Variants in C10orf105 observed in about 807,000 individuals in gnomAD.
C10orf105 encodes uncharacterized protein C10orf105.
In C10orf105, 2 loss-of-function variants were observed where a neutral mutation model predicts 0.6. The observed-to-expected ratio is 3.18, with a 90% CI of 1.30 to 10.01. C10orf105 has a LOEUF of 10.01. Among genes scored for constraint, C10orf105 ranks in the 30% most tolerant of loss-of-function variants. C10orf105 has a pLI of 0.04. For missense variants in C10orf105, 209 were observed against 191.4 expected (o/e 1.09, Z -0.54); for synonymous variants, 95 against 82.4 (o/e 1.15, Z -0.83).
chr10:71,712,818 G>A lies in C10orf105; in HGVS notation c.*3118C>T. 6.2e-7 allele frequency: 1 copy of A among 1,609,578 alleles called. No individual in the cohort carries two copies. On this transcript the variant is annotated 3_prime_UTR_variant, in exon 2 of 2. Coordinates refer to ENST00000441508, the MANE Select transcript of C10orf105 (RefSeq NM_001164375.3). Reference sequence around the variant, plus strand: ...GAAGGCCACAGCATCTTGCAGGCAGGTGGCCCGTGGCCTCTGGGGCAGGTG... The same window carrying A: ...GAAGGCCACAGCATCTTGCAGGCAGATGGCCCGTGGCCTCTGGGGCAGGTG...
chr10:71,731,852 G>A, intron 1 of C10orf105: 1 of 836,448 alleles, frequency 1.2e-6, no homozygotes, highest in Non-Finnish European at 1.9e-6. Context: ...CTCTGAGGAT[G>A]ATCCTGCCGG....
upstream of C10orf105, among the ~76,000 whole-genome samples, chr10:71,721,668 A>G (rs1017599861): frequency 6.6e-6 from 1 of 152,106 alleles, no homozygotes; most frequent in Non-Finnish European, 1.5e-5. Flanking sequence ...CCTTAGACAC[A>G]CTTACCGCAG....
rs1474418748 is a variant in C10orf105, at chr10:71,725,401, G to A, written c.-5-9059C>T. On this transcript the variant is annotated intron_variant, in intron 1 of 1. Coordinates refer to the C10orf105 transcript ENST00000398786. ...CCATGGCAACAACTTCCGGATCCATGTCAGCAATGGGCTCCTGATGCGAGG... is the reference window on the plus strand; with the variant it reads ...CCATGGCAACAACTTCCGGATCCATATCAGCAATGGGCTCCTGATGCGAGG... 1 of 1,614,056 alleles carries A rather than the reference G, an allele frequency of 6.2e-7. No individual in the cohort carries two copies.
At chr10:71,734,700 G>A (rs1201323228) in intron 1 of C10orf105, 1 of 1,315,482 alleles carries the variant, frequency 7.6e-7, no homozygotes, top group Non-Finnish European at 1.0e-6. Flanking sequence ...GCTGTTGGCT[G>A]TGGCCAGTGC....
At chr10:71,733,492 G>A (rs918337578) in intron 1 of C10orf105, among the ~76,000 whole-genome samples, 4 of 152,114 alleles carry the variant, frequency 2.6e-5, no homozygotes, top group African/African-American at 4.8e-5. Flanking sequence ...AGCCCCAACC[G>A]AGGACCCCAC....
intron 1 of C10orf105, chr10:71,732,414 C>A (rs2132826548): frequency 2.6e-6 from 4 of 1,551,268 alleles, no homozygotes; most frequent in Non-Finnish European, 2.6e-6. Flanking sequence ...TTCTTCCAAT[C>A]TAACCAACAT....
chr10:71,723,062 G>A (rs1866629497), upstream of C10orf105, among the ~76,000 whole-genome samples: 1 of 152,198 alleles, frequency 6.6e-6, no homozygotes. Flanking sequence ...GCAGGGTCAG[G>A]AAGAAAATGG....
chr10:71,732,458 C>T (rs1428042577), intron 1 of C10orf105: 4 of 1,523,556 alleles, frequency 2.6e-6, no homozygotes, highest in Non-Finnish European at 2.7e-6. Context: ...CAGCACTCTC[C>T]TCTTTGTCAT....
In C10orf105 at chr10:71,712,836, G is replaced by A. The variant is rs774329375; in HGVS notation, c.*3100C>T. The A allele has an allele frequency of 6.2e-7, 1 of 1,605,792 alleles. No individual in the cohort carries two copies. Among genetic ancestry groups the A allele is most frequent in the South Asian group, 1.1e-5 (1 of 89,674 alleles). On this transcript the variant is annotated 3_prime_UTR_variant, in exon 2 of 2. Transcript: ENST00000441508. ...CAGGCAGGTGGCCCGTGGCCTCTGG[G>A]GCAGGTGGTGGGCTGGGGGAGGCGG...
chr10:71,715,729 G>A lies in C10orf105; in HGVS notation c.*207C>T. The A allele has an allele frequency of 4.5e-6, 2 of 440,952 alleles. No homozygotes were observed. Among genetic ancestry groups the A allele is most frequent in the Non-Finnish European group, 8.0e-6 (2 of 250,634 alleles). 27.3% of individuals were successfully genotyped at this position (440,952 alleles called of 1,614,324 possible). The stretch of plus-strand genomic sequence containing the variant: ...GAAGTCTTTCATCAAGCAGCAGCGA[G>A]GGGGTCTGCAGAGAGGAAGGTGCTC... On this transcript the variant is annotated 3_prime_UTR_variant, in exon 2 of 2. Coordinates refer to ENST00000441508, the MANE Select transcript of C10orf105 (RefSeq NM_001164375.3).
At position 71,715,249 on chromosome 10, in the gene C10orf105, C is replaced by G. The variant is rs568212787; in HGVS notation, c.*687G>C. On this transcript the variant is annotated 3_prime_UTR_variant, in exon 2 of 2. Coordinates refer to ENST00000441508, the MANE Select transcript of C10orf105 (RefSeq NM_001164375.3). ...GAGCCTCCTCGATCATCTTCAATCC[C>G]TTCCTGATTGATCCCAACGTGGGTG... The G allele has an allele frequency of 2.0e-5, 3 of 152,300 alleles. No individual in the cohort carries two copies. Among genetic ancestry groups the G allele is most frequent in the Non-Finnish European group, 4.4e-5 (3 of 68,082 alleles). The allele number at this position is 152,300 out of a possible 1,614,324, so 9.4% of individuals were successfully genotyped here.
intron 1 of C10orf105, among the ~76,000 whole-genome samples, chr10:71,735,807 G>A (rs1465563785): frequency 6.6e-6 from 1 of 152,240 alleles, no homozygotes; most frequent in Non-Finnish European, 1.5e-5. Context: ...GCCTGGGGGT[G>A]AGTGAGGCTG....
intron 1 of C10orf105, among the ~76,000 whole-genome samples, chr10:71,726,706 A>G (rs1206376604): frequency 3.9e-5 from 6 of 152,220 alleles, no homozygotes; most frequent in African/African-American, 1.4e-4. Flanking sequence ...GTACGCCCTC[A>G]TCAGAGCCTG....
chr10:71,733,813 T>C lies in C10orf105; in HGVS notation c.-6+3915A>G, dbSNP rs12360477. Among the ~76,000 whole-genome samples the C allele has an allele frequency of 4.7e-3, 723 of 152,338 alleles. 3 individuals are homozygous for C. Among genetic ancestry groups the C allele is most frequent in the Admixed American group, 7.8e-3 (120 of 15,306 alleles). ...TTTATCAGAATTCCTTCTTTGAAAG[T>C]AGGCAAGGTGTGAATCACTACAACG... On this transcript the variant is annotated intron_variant, in intron 1 of 1. Coordinates refer to the C10orf105 transcript ENST00000398786.
chr10:71,716,388 C>T, intron 1 of C10orf105, 46 bp from the exon 2 acceptor site: 1 of 1,435,426 alleles, frequency 7.0e-7, no homozygotes, highest in Non-Finnish European at 9.2e-7. Context: ...TCAGCTGGAC[C>T]CAGGGCAGCG....
At chr10:71,736,699 A>T (rs1386905046) in intron 1 of C10orf105, among the ~76,000 whole-genome samples, 1 of 152,194 alleles carries the variant, frequency 6.6e-6, no homozygotes, top group Non-Finnish European at 1.5e-5. Context: ...TCAGAGCAGT[A>T]GTCATTGTGG....
chr10:71,731,988 G>T (rs751306469), intron 1 of C10orf105: 1 of 1,613,318 alleles, frequency 6.2e-7, no homozygotes, highest in Admixed American at 1.7e-5. Context: ...CTCCTACAGG[G>T]GATGGTGGCC....
chr10:71,734,046 G>A (rs1464447370), intron 1 of C10orf105, among the ~76,000 whole-genome samples: 1 of 152,246 alleles, frequency 6.6e-6, no homozygotes, highest in Admixed American at 6.5e-5. Flanking sequence ...CCTGGCTGGG[G>A]AAGCAGGAAG....
In C10orf105 at chr10:71,734,018, C is replaced by T. The variant is rs139719089; in HGVS notation, c.-6+3710G>A. The stretch of plus-strand genomic sequence containing the variant: ...ACAACAGAGGGGTAGTGGAGCCCCT[C>T]AGGGCCCAGCAGTCATACCTGGCTG... On this transcript the variant is annotated intron_variant, in intron 1 of 1. Transcript: ENST00000398786. 7.2e-4 allele frequency among the ~76,000 whole-genome samples: 110 copies of T among 152,324 alleles called. 1 individual carries two copies. Among genetic ancestry groups the T allele is most frequent in the Middle Eastern group, 3.4e-3 (1 of 294 alleles).
Sources: allele counts gnomAD v4.1 joint callset (sites outside exome capture counted in the v4.1 genomes callset), GRCh38; gene constraint gnomAD v4.1.1; transcripts MANE v1.5; gene names NCBI Gene and HGNC (gene_info 2026-07-23, HGNC 2026-07-21).